The following ITGA9 variants were observed in gnomAD, a reference collection of about 807,000 sequenced individuals.
ITGA9 encodes integrin alpha-9.
A neutral mutation model predicts 127.8 loss-of-function variants in ITGA9; 56 were observed. The observed-to-expected ratio is 0.44, with a 90% CI of 0.35 to 0.55. The LOEUF (loss-of-function observed/expected upper bound fraction) is 0.55. Among genes scored for constraint, ITGA9 ranks in the 20% least tolerant of loss-of-function variants. The probability of loss-of-function intolerance (pLI) is 0.00; values close to 1 mark genes in which losing one functional copy is unlikely to be tolerated. For missense variants in ITGA9, 1,196 were observed against 1,347.1 expected (o/e 0.89, Z 1.76); for synonymous variants, 508 against 514.5 (o/e 0.99, Z 0.17).
At chr3:37,785,166 G>A in intron 26 of ITGA9, 88 bp downstream of exon 26, 1 of 922,714 alleles carries the variant, frequency 1.1e-6, no homozygotes, top group Middle Eastern at 2.9e-4. Context: ...TGAGGGTCAA[G>A]ACAGTCTCTG....
chr3:37,795,127 A>G (rs1309187678), intron 26 of ITGA9, among the ~76,000 whole-genome samples: 1 of 152,064 alleles, frequency 6.6e-6, no homozygotes, highest in African/African-American at 2.4e-5. Context: ...CCTTCCTTCT[A>G]TTGAGACAAG....
intron 15 of ITGA9, among the ~76,000 whole-genome samples, chr3:37,547,231 C>T (rs959606159): frequency 6.6e-6 from 1 of 152,258 alleles, no homozygotes; most frequent in Non-Finnish European, 1.5e-5. Context: ...ATATGCACAT[C>T]AGCTTTTCTG....
chr3:37,812,084 TC>T (rs1241485615), intron 27 of ITGA9, among the ~76,000 whole-genome samples: 1 of 152,140 alleles, frequency 6.6e-6, no homozygotes, highest in African/African-American at 2.4e-5. Flanking sequence ...TCCTTGCTTC[TC>T]CTCCAAAGAA....
At chr3:37,478,584 T>G (rs749770452) in intron 3 of ITGA9, among the ~76,000 whole-genome samples, 6 of 152,230 alleles carry the variant, frequency 3.9e-5, no homozygotes, top group African/African-American at 1.2e-4. Context: ...CAGAGAATGC[T>G]CTCCTTCTCC....
intron 17 of ITGA9, among the ~76,000 whole-genome samples, chr3:37,683,507 C>G (rs998518460): frequency 6.6e-6 from 1 of 152,228 alleles, no homozygotes; most frequent in African/African-American, 2.4e-5. Context: ...TTCCCTAGCA[C>G]GGAGTAGTGG....
chr3:37,615,689 T>C (rs1700067265), intron 15 of ITGA9, among the ~76,000 whole-genome samples: 1 of 152,188 alleles, frequency 6.6e-6, no homozygotes, highest in South Asian at 2.1e-4. Context: ...CCTGGTTTAG[T>C]CTTGGGAGGG....
At position 37,648,266 on chromosome 3, in the gene ITGA9, C is replaced by A. The variant is rs545588351; in HGVS notation, c.1840-5448C>A. ...CATTGTGACTTCGATTTGAATTTCC[C>A]TGATGATTAGTGATGTGGATATTTC... On this transcript the variant is annotated intron_variant, in intron 16 of 27. Coordinates refer to ENST00000264741, the MANE Select transcript of ITGA9 (RefSeq NM_002207.3). Among the ~76,000 whole-genome samples, 5 of 152,150 alleles carry A rather than the reference C, an allele frequency of 3.3e-5. No individual in the cohort carries two copies. The South Asian group carries it at 1.0e-3, about 32-fold the overall frequency.
At chr3:37,771,082 G>A (rs1696836578) in intron 23 of ITGA9, among the ~76,000 whole-genome samples, 1 of 152,152 alleles carries the variant, frequency 6.6e-6, no homozygotes, top group Non-Finnish European at 1.5e-5. Context: ...CCAGCTCCCA[G>A]AGGCCCTGAG....
chr3:37,691,384 G>A (rs1278291165), intron 18 of ITGA9, among the ~76,000 whole-genome samples: 2 of 152,134 alleles, frequency 1.3e-5, no homozygotes, highest in Non-Finnish European at 2.9e-5. Flanking sequence ...TGTGGGTGAA[G>A]AGGACCAGGG....
At chr3:37,580,097 G>A (rs1391110345) in intron 15 of ITGA9, among the ~76,000 whole-genome samples, 1 of 152,116 alleles carries the variant, frequency 6.6e-6, no homozygotes, top group African/African-American at 2.4e-5. Context: ...CAGATATTAG[G>A]AAAACAAGAC....
At chr3:37,790,189 G>A (rs1485518097) in intron 26 of ITGA9, 1 of 568,030 alleles carries the variant, frequency 1.8e-6, no homozygotes, top group East Asian at 4.5e-5. Context: ...CTCTTGATGT[G>A]TTTCAGCAGC....
intron 1 of ITGA9, among the ~76,000 whole-genome samples, chr3:37,463,006 C>A (rs1007894461): frequency 6.6e-6 from 1 of 152,194 alleles, no homozygotes; most frequent in African/African-American, 2.4e-5. Context: ...TTCTACTACT[C>A]CACCATGCCT....
At chr3:37,600,214 ACT>A (rs1261523657) in intron 15 of ITGA9, among the ~76,000 whole-genome samples, 3 of 152,104 alleles carry the variant, frequency 2.0e-5, no homozygotes, top group East Asian at 3.9e-4. Context: ...TGTATACGAG[ACT>A]CTGTTCTAGG....
intron 4 of ITGA9, among the ~76,000 whole-genome samples, chr3:37,491,295 G>T (rs745626229): frequency 6.6e-6 from 1 of 152,180 alleles, no homozygotes; most frequent in African/African-American, 2.4e-5. Flanking sequence ...AAATGTAAGG[G>T]TTAGGTTTGT....
At chr3:37,808,281 A>G (rs1697323141) in intron 27 of ITGA9, 1 of 152,188 alleles carries the variant, frequency 6.6e-6, no homozygotes, top group African/African-American at 2.4e-5. Flanking sequence ...TGCCTGGCCC[A>G]GCTCTAGTCA....
At chr3:37,578,107 G>C (rs187616261) in intron 15 of ITGA9, among the ~76,000 whole-genome samples, 12 of 152,288 alleles carry the variant, frequency 7.9e-5, no homozygotes, top group East Asian at 1.9e-4. Flanking sequence ...AATTGTTTTG[G>C]GGGGTGGGAG....
intron 22 of ITGA9, 144 bp from the exon 23 acceptor site, chr3:37,750,318 T>G (rs1017977571): frequency 3.3e-5 from 22 of 661,608 alleles, no homozygotes; most frequent in Non-Finnish European, 5.5e-5. Flanking sequence ...GTAGTTCACT[T>G]TACTTCAAGT....
chr3:37,681,037 G>A (rs1188593605), intron 17 of ITGA9, among the ~76,000 whole-genome samples: 1 of 152,138 alleles, frequency 6.6e-6, no homozygotes, highest in Non-Finnish European at 1.5e-5. Context: ...CAGACATGCA[G>A]GAGAGTGAGG....
At chr3:37,498,262 A>C (rs752931863) in intron 5 of ITGA9, among the ~76,000 whole-genome samples, 17 of 152,196 alleles carry the variant, frequency 1.1e-4, no homozygotes, top group East Asian at 3.9e-4. Context: ...GCCCTTGCTC[A>C]TGACTCTCTT....
Sources: allele counts gnomAD v4.1 joint callset (sites outside exome capture counted in the v4.1 genomes callset), GRCh38; gene constraint gnomAD v4.1.1; transcripts MANE v1.5; gene names NCBI Gene and HGNC (gene_info 2026-07-23, HGNC 2026-07-21).